Variants in PCDH11X observed in about 807,000 individuals in gnomAD.
PCDH11X encodes protocadherin 11 X-linked.
A neutral mutation model predicts 53.3 loss-of-function variants in PCDH11X; 18 were observed. The observed-to-expected ratio is 0.34, with a 90% confidence interval of 0.23 to 0.50. The LOEUF (loss-of-function observed/expected upper bound fraction) is 0.50. Ranked by LOEUF, PCDH11X falls within the 20% of genes least tolerant of loss-of-function variation. The pLI is 0.98. For missense variants in PCDH11X, 570 were observed against 1,032.4 expected, an observed-to-expected ratio of 0.55 and a Z score of 6.14; for synonymous variants, 279 against 393.3, an observed-to-expected ratio of 0.71 and a Z score of 3.44.
chrX:91,946,752 T>G (rs1326846239), intron 6 of PCDH11X, among the ~76,000 whole-genome samples: 4 of 97,695 alleles, frequency 4.1e-5, no homozygotes, highest in African/African-American at 1.5e-4. Flanking sequence ...TGACTGATTC[T>G]CACTGTTTTC....
chrX:92,078,641 A>G (rs1348459979), intron 6 of PCDH11X, among the ~76,000 whole-genome samples: 1 of 110,580 alleles, frequency 9.0e-6, no homozygotes, highest in Non-Finnish European at 1.9e-5. Context: ...TGAGCAGCTG[A>G]CTATGCTAAT....
At chrX:92,375,166 A>ATATATATATATAT (rs1302181048) in intron 8 of PCDH11X, among the ~76,000 whole-genome samples, 3 of 8,262 alleles carry the variant, frequency 3.6e-4, no homozygotes, top group Admixed American at 2.2e-3. Flanking sequence ...ATATATATAT[A>ATATATATATATAT]TTTTTTTTTT....
chrX:91,867,574 G>C (rs1451976639), intron 5 of PCDH11X, among the ~76,000 whole-genome samples: 3 of 108,821 alleles, frequency 2.8e-5, no homozygotes, highest in Non-Finnish European at 5.7e-5. Context: ...AGGAAAGTAT[G>C]AGTCAGAGGT....
chrX:91,798,895 C>T (rs998752596), intron 1 of PCDH11X, among the ~76,000 whole-genome samples: 4 of 110,232 alleles, frequency 3.6e-5, no homozygotes, highest in African/African-American at 1.3e-4. Flanking sequence ...GTATTTTACT[C>T]AGACGTGGAT....
intron 6 of PCDH11X, among the ~76,000 whole-genome samples, chrX:92,038,459 G>T (rs1159505607): frequency 2.7e-5 from 3 of 111,507 alleles, no homozygotes; most frequent in African/African-American, 9.9e-5. Flanking sequence ...TATCCACGTG[G>T]TATAGAGCCT....
At chrX:91,874,977 C>T (rs1371671466) in intron 5 of PCDH11X, among the ~76,000 whole-genome samples, 1 of 104,226 alleles carries the variant, frequency 9.6e-6, no homozygotes, top group Non-Finnish European at 2.0e-5. Context: ...CAATCCATGC[C>T]ACTTGTCCAG....
At chrX:92,331,135 C>T (rs1160274871) in intron 8 of PCDH11X, among the ~76,000 whole-genome samples, 1 of 108,633 alleles carries the variant, frequency 9.2e-6, no homozygotes, top group African/African-American at 3.3e-5. Context: ...TAGGCTACAT[C>T]TTAAATGATG....
intron 7 of PCDH11X, among the ~76,000 whole-genome samples, chrX:92,217,183 A>G (rs749635814): frequency 9.9e-4 from 110 of 110,979 alleles, no homozygotes; most frequent in Non-Finnish European, 1.6e-3. Flanking sequence ...AAATAACAGG[A>G]TCAAATTCAC....
intron 8 of PCDH11X, among the ~76,000 whole-genome samples, chrX:92,318,948 A>G: frequency 8.9e-6 from 1 of 112,039 alleles, no homozygotes; most frequent in Non-Finnish European, 1.9e-5. Context: ...TAAACTAACT[A>G]TGACTGTCTT....
intron 6 of PCDH11X, among the ~76,000 whole-genome samples, chrX:92,018,888 A>C (rs890588404): frequency 3.3e-4 from 37 of 112,789 alleles, no homozygotes; most frequent in Non-Finnish European, 7.5e-5. Flanking sequence ...CGGAGTCAGT[A>C]AACTATGAAT....
At chrX:91,922,453 A>G (rs775164767) in intron 6 of PCDH11X, among the ~76,000 whole-genome samples, 83 of 111,482 alleles carry the variant, frequency 7.4e-4, no homozygotes, top group Non-Finnish European at 1.4e-3. Flanking sequence ...TGGGCCGTGG[A>G]CTGGTACTGG....
At chrX:92,180,290 G>T (rs886138215) in intron 6 of PCDH11X, among the ~76,000 whole-genome samples, 2 of 111,123 alleles carry the variant, frequency 1.8e-5, no homozygotes, top group South Asian at 3.9e-4. Context: ...CTCCCACCAG[G>T]CCCCTCCTTC....
rs973824760 is a variant in PCDH11X at position 91,811,358 on chromosome X, G to A, written c.-45+63G>A. 3 of 985,102 alleles carry A rather than the reference G, an allele frequency of 3.0e-6. No homozygotes were observed. In the African/African-American group the frequency reaches 6.2e-5, roughly 20 times the overall value. The allele number at this position is 985,102 out of a possible 1,213,427, so 81.2% of individuals were successfully genotyped here. ...TTTCCTCTGGGTCTTTTCAGGAGTA[G>A]TAATTTTGTCTGAACTCCAATTTTT... is the stretch of plus-strand genomic sequence containing the variant. On this transcript the variant is annotated intron_variant, in intron 4 of 10. Transcript: ENST00000682573.
At chrX:92,136,835 C>T (rs1054741291) in intron 6 of PCDH11X, among the ~76,000 whole-genome samples, 3 of 109,314 alleles carry the variant, frequency 2.7e-5, no homozygotes, top group African/African-American at 1.0e-4. Context: ...AACAGGATCA[C>T]TTTATCTACT....
chrX:92,459,922 C>T, intron 9 of PCDH11X: 1 of 1,182,138 alleles, frequency 8.5e-7, no homozygotes, highest in Non-Finnish European at 1.1e-6. Flanking sequence ...CATGCAAAGC[C>T]TGAACGACCG....
intron 10 of PCDH11X, among the ~76,000 whole-genome samples, chrX:92,588,370 G>GTA (rs1924633867): frequency 1.3e-5 from 1 of 79,560 alleles, no homozygotes; most frequent in Middle Eastern, 5.6e-3. Flanking sequence ...GTGTGTGTGT[G>GTA]TGTATATATA....
At chrX:91,868,347 G>A (rs1479703949) in intron 5 of PCDH11X, among the ~76,000 whole-genome samples, 1 of 111,654 alleles carries the variant, frequency 9.0e-6, no homozygotes. Flanking sequence ...TTATTATGAC[G>A]TCCATTTAAT....
In PCDH11X at chrX:92,148,634, A is replaced by T. The variant is rs2065373005; in HGVS notation, c.3034-52741A>T. ...GCACATCTAGGCTTACATAAAATAA[A>T]TTATTATTTTGTTTAAAATACTTGC... On this transcript the variant is annotated intron_variant, in intron 6 of 10. Coordinates refer to ENST00000682573, the MANE Select transcript of PCDH11X (RefSeq NM_032968.5). Among the ~76,000 whole-genome samples, 3 of 109,430 alleles carry T rather than the reference A, an allele frequency of 2.7e-5. No homozygotes were observed. The South Asian group carries it at 1.2e-3, about 43-fold the overall frequency.
At chrX:92,464,700 C>T (rs2073124357) in intron 9 of PCDH11X, among the ~76,000 whole-genome samples, 1 of 111,422 alleles carries the variant, frequency 9.0e-6, no homozygotes, top group African/African-American at 3.3e-5. Flanking sequence ...ATGCAATCTA[C>T]ACAAGTACAA....
Sources: allele counts gnomAD v4.1 joint callset (sites outside exome capture counted in the v4.1 genomes callset), GRCh38; gene constraint gnomAD v4.1.1; transcripts MANE v1.5; gene names NCBI Gene and HGNC (gene_info 2026-07-23, HGNC 2026-07-21).